The following PLA2G5 variants were observed in gnomAD, a reference collection of about 807,000 sequenced individuals.
PLA2G5 encodes Ca2+-dependent phospholipase A2.
Under a neutral mutation model 15.9 loss-of-function variants are expected in PLA2G5, and 12 were observed. The observed-to-expected ratio is 0.76, with a 90% confidence interval of 0.48 to 1.23. The LOEUF is 1.23. PLA2G5 is among the 50% of genes most tolerant of loss of function. The probability of loss-of-function intolerance (pLI) is 0.00; values close to 1 mark genes in which losing one functional copy is unlikely to be tolerated. For missense variants in PLA2G5, 169 were observed against 177.1 expected, an observed-to-expected ratio of 0.95 and a Z score of 0.26; for synonymous variants, 71 against 71.4, an observed-to-expected ratio of 0.99 and a Z score of 0.03.
intron 1 of PLA2G5, among the ~76,000 whole-genome samples, chr1:20,056,824 C>T (rs577118256): frequency 1.3e-5 from 2 of 152,208 alleles, no homozygotes; most frequent in Middle Eastern, 3.4e-3. Flanking sequence ...GTGGAATTTA[C>T]CAGTGAAACT....
intron 1 of PLA2G5, among the ~76,000 whole-genome samples, chr1:20,075,831 A>G (rs550220117): frequency 6.6e-6 from 1 of 151,798 alleles, no homozygotes; most frequent in South Asian, 2.1e-4. Context: ...TTAAAAAGAA[A>G]CTGGAAATGG....
At chr1:20,050,478 A>T (rs192633292) in intron 1 of PLA2G5, among the ~76,000 whole-genome samples, 93 of 152,340 alleles carry the variant, frequency 6.1e-4, no homozygotes, top group African/African-American at 2.2e-3. Context: ...TCAAAGGCAC[A>T]CTGATGCAAG....
chr1:20,041,066 G>C (rs1283390680), intron 1 of PLA2G5, among the ~76,000 whole-genome samples: 1 of 152,222 alleles, frequency 6.6e-6, no homozygotes, highest in Non-Finnish European at 1.5e-5. Context: ...TCATGGGTGT[G>C]TGTCCTCAAC....
intron 1 of PLA2G5, among the ~76,000 whole-genome samples, chr1:20,078,594 T>C (rs1016289958): frequency 1.3e-5 from 2 of 152,180 alleles, no homozygotes; most frequent in Non-Finnish European, 2.9e-5. Flanking sequence ...AAGTTCTGTC[T>C]CATTCACCGT....
intron 1 of PLA2G5, among the ~76,000 whole-genome samples, chr1:20,078,830 G>T (rs2100580864): frequency 6.6e-6 from 1 of 152,172 alleles, no homozygotes; most frequent in Non-Finnish European, 1.5e-5. Context: ...TCTTTGGCGG[G>T]GTACAGTGGC....
chr1:20,046,333 A>G (rs552991047), intron 1 of PLA2G5, among the ~76,000 whole-genome samples: 32 of 152,334 alleles, frequency 2.1e-4, no homozygotes, highest in African/African-American at 7.5e-4. Context: ...ATTCCAAATT[A>G]TGGGTAACAA....
intron 1 of PLA2G5, among the ~76,000 whole-genome samples, chr1:20,033,622 C>T (rs1195769098): frequency 1.3e-5 from 2 of 152,044 alleles, no homozygotes; most frequent in African/African-American, 2.4e-5. Context: ...TGACAGAGTC[C>T]AGTTGTTTTG....
Position 20,044,180 on chromosome 1 carries a change from A to T in PLA2G5, n.277-15452A>T, listed in dbSNP as rs183900549. Among the ~76,000 whole-genome samples the T allele has an allele frequency of 3.9e-5, 6 of 152,322 alleles. No homozygotes were observed. In the East Asian group the frequency reaches 1.2e-3, roughly 29 times the overall value. On this transcript the variant is annotated intron_variant and non_coding_transcript_variant, in intron 1 of 6. Coordinates refer to the PLA2G5 transcript ENST00000460175. ...AAGATCCTGATGGAGGAGGTCCTGTAGGAATGCTTGACCACTGCAGCTTAG... is the reference window on the plus strand; with the variant it reads ...AAGATCCTGATGGAGGAGGTCCTGTTGGAATGCTTGACCACTGCAGCTTAG...
Position 20,060,602 on chromosome 1 carries a change from G to A in PLA2G5, n.337+910G>A, listed in dbSNP as rs771358160. On this transcript the variant is annotated intron_variant and non_coding_transcript_variant, in intron 2 of 6. Transcript: ENST00000460175. Reference sequence around the variant, plus strand: ...CATTAGATTGCAGTGGTCAGTTTAGGCTAGATGTAAAGAGCACCTCCTTTT... The same window carrying A: ...CATTAGATTGCAGTGGTCAGTTTAGACTAGATGTAAAGAGCACCTCCTTTT... 6.6e-5 allele frequency among the ~76,000 whole-genome samples: 10 copies of A among 151,810 alleles called. No homozygotes were observed. The South Asian group carries it at 1.0e-3, about 16-fold the overall frequency.
chr1:20,028,655 G>C (rs1484163427), exon 1 of PLA2G5: 1 of 152,246 alleles, frequency 6.6e-6, no homozygotes, highest in Non-Finnish European at 1.5e-5. Context: ...TGTGTTTCTG[G>C]ATGACTGCCT....
At chr1:20,053,116 C>T (rs1248401916) in intron 1 of PLA2G5, among the ~76,000 whole-genome samples, 2 of 152,168 alleles carry the variant, frequency 1.3e-5, no homozygotes, top group Non-Finnish European at 2.9e-5. Context: ...GAGGCTGTGT[C>T]GTGGATGTGT....
In PLA2G5 at chr1:20,046,745, G is replaced by A. The variant is rs566672943; in HGVS notation, n.277-12887G>A. 2.7e-4 allele frequency among the ~76,000 whole-genome samples: 41 copies of A among 152,308 alleles called. No individual in the cohort carries two copies. The South Asian group carries it at 7.7e-3, about 29-fold the overall frequency. ...CTGTGAGAGGATTTGACCTTGGCAT[G>A]TGTTATGGCAAATGGGAGCTACAAA... On this transcript the variant is annotated intron_variant and non_coding_transcript_variant, in intron 1 of 6. Coordinates refer to the PLA2G5 transcript ENST00000460175.
At chr1:20,067,915 T>C, upstream of PLA2G5, among the ~76,000 whole-genome samples, 1 of 152,098 alleles carries the variant, frequency 6.6e-6, no homozygotes, top group East Asian at 1.9e-4. Flanking sequence ...GGTAAGGAGT[T>C]CGTGACCAGC....
chr1:20,032,344 G>A (rs1044282311), intron 1 of PLA2G5, among the ~76,000 whole-genome samples: 116 of 151,492 alleles, frequency 7.7e-4, no homozygotes, highest in African/African-American at 2.8e-3. Context: ...AAGTGACAGT[G>A]TGTGTGTGGT....
intron 1 of PLA2G5, among the ~76,000 whole-genome samples, chr1:20,029,647 G>A (rs566622188): frequency 6.6e-6 from 1 of 152,162 alleles, no homozygotes; most frequent in Admixed American, 6.5e-5. Context: ...TACCCAGCAC[G>A]TCCCTTCTCC....
At chr1:20,032,517 A>T (rs1369820065) in intron 1 of PLA2G5, among the ~76,000 whole-genome samples, 4 of 151,948 alleles carry the variant, frequency 2.6e-5, no homozygotes, top group Non-Finnish European at 4.4e-5. Context: ...GTGTGTGGGG[A>T]AAGGAGGTGG....
chr1:20,029,710 T>G (rs1001700111), intron 1 of PLA2G5, among the ~76,000 whole-genome samples: 4 of 152,138 alleles, frequency 2.6e-5, no homozygotes, highest in Non-Finnish European at 1.5e-5. Context: ...CACTTACGTA[T>G]CAGTCCTGCG....
chr1:20,083,767 G>C (rs886355124), intron 1 of PLA2G5, among the ~76,000 whole-genome samples: 1 of 151,726 alleles, frequency 6.6e-6, no homozygotes, highest in Non-Finnish European at 1.5e-5. Flanking sequence ...GCAGAAGGAC[G>C]CGGCTCGAAT....
At chr1:20,055,592 A>T (rs534477225) in intron 1 of PLA2G5, among the ~76,000 whole-genome samples, 2 of 152,098 alleles carry the variant, frequency 1.3e-5, no homozygotes, top group African/African-American at 2.4e-5. Context: ...CCTCTCCAGA[A>T]GCTCCCATTT....
Sources: allele counts gnomAD v4.1 joint callset (sites outside exome capture counted in the v4.1 genomes callset), GRCh38; gene constraint gnomAD v4.1.1; transcripts MANE v1.5; gene names NCBI Gene and HGNC (gene_info 2026-07-23, HGNC 2026-07-21).